Variants in DOK3 observed in about 807,000 individuals in gnomAD.
DOK3 encodes Dok-like protein.
A neutral mutation model predicts 26.2 loss-of-function variants in DOK3; 23 were observed. That is an observed-to-expected ratio of 0.88 (90% CI 0.63 to 1.24). DOK3 has a LOEUF of 1.24. Ranked by LOEUF, DOK3 falls within the 50% of genes most tolerant of loss-of-function variation. The pLI is 0.00. For missense variants in DOK3, 619 were observed against 610.6 expected (o/e 1.01, Z -0.15); for synonymous variants, 268 against 268.2 (o/e 1.00, Z 0.01).
chr5:177,510,199 CAGGG>C, upstream of DOK3: 1 of 428,064 alleles, frequency 2.3e-6, no homozygotes, highest in Non-Finnish European at 4.3e-6. Flanking sequence ...GCCCAACACT[CAGGG>C]ACCTGTGTGT....
At chr5:177,505,421 G>C (rs1255177012) in intron 3 of DOK3, among the ~76,000 whole-genome samples, 1 of 152,174 alleles carries the variant, frequency 6.6e-6, no homozygotes, top group Non-Finnish European at 1.5e-5. Context: ...CTGTATGTCT[G>C]ACAGCCTAGA....
Position 177,503,206 on chromosome 5 carries a change from T to TTC in DOK3, c.*775_*776dup, listed in dbSNP as rs1242377613. 1 of 1,551,570 alleles carries TTC rather than the reference T, an allele frequency of 6.4e-7. No individual in the cohort carries two copies. The highest frequency in any genetic ancestry group is 1.2e-5 in the South Asian group (1 of 84,058). On this transcript the variant is annotated 3_prime_UTR_variant, in exon 6 of 6. Coordinates refer to ENST00000510898, the MANE Select transcript of DOK3 (RefSeq NM_001308236.3). ...CGCAGCATGGAAGTCTTCAGGAAAC[T>TTC]TCTCTCCCCCTGGAATGTCGGCTCC... is the stretch of plus-strand genomic sequence containing the variant.
rs567576792 is a variant in DOK3, at chr5:177,505,025, G to A, written c.458C>T (p.Ser153Phe). The A allele has an allele frequency of 5.0e-6, 8 of 1,610,160 alleles. No individual in the cohort carries two copies. The highest frequency in any genetic ancestry group is 1.7e-4 in the Middle Eastern group (1 of 6,054). ...CTCCAACTTACCTTCCTGCCAGGAG[G>A]AGTAGATGGAGTTTTCCTCCATGGG... is the stretch of plus-strand genomic sequence containing the variant. ...LVPMEENSIY[S>F]SWQEVGEFPV... The change falls in exon 4 of 6, where the codon TCC (serine) becomes TTC (phenylalanine). Residue 153 changes from serine to phenylalanine, a missense_variant. Ser to Phe is a radical substitution (Grantham distance 155, BLOSUM62 -2). Transcript: ENST00000510898.
chr5:177,502,221 G>A lies in DOK3; in HGVS notation c.*1762C>T, dbSNP rs2127418915. On this transcript the variant is annotated 3_prime_UTR_variant, in exon 6 of 6. Transcript: ENST00000510898. ...AAAAGCCACATAATGGCATCATGGG[G>A]ATGAAGGAGAGTTAATTGAGGGGAG... The A allele has an allele frequency of 6.6e-6, 1 of 152,408 alleles. No homozygotes were observed. The highest frequency in any genetic ancestry group is 2.1e-4 in the South Asian group (1 of 4,832). 9.4% of individuals were successfully genotyped at this position (152,408 alleles called of 1,614,324 possible). A position where few individuals can be genotyped will look rare whatever the true frequency, so the allele number is the denominator to read the frequency against.
chr5:177,502,809 T>TACTTAC lies in DOK3; in HGVS notation c.*1173_*1174insGTAAGT. The TACTTAC allele has an allele frequency of 1.9e-6, 1 of 524,534 alleles. No individual in the cohort carries two copies. The highest frequency in any genetic ancestry group is 3.4e-6 in the Non-Finnish European group (1 of 296,442). The allele number at this position is 524,534 out of a possible 1,614,324, so 32.5% of individuals were successfully genotyped here. Reference sequence around the variant, plus strand: ...CTGGGCTCGCCCAAGGCCGGGGACTTTGCCAGACCAGTAAGATGAAACGAG... The same window carrying TACTTAC: ...CTGGGCTCGCCCAAGGCCGGGGACTTACTTACTGCCAGACCAGTAAGATGAAACGAG... On this transcript the variant is annotated 3_prime_UTR_variant, in exon 6 of 6. Transcript: ENST00000510898.
At chr5:177,508,569 G>A (rs1209854233) in intron 2 of DOK3, 27 bp from the exon 3 acceptor site, 6 of 1,501,020 alleles carry the variant, frequency 4.0e-6, no homozygotes, top group Non-Finnish European at 5.4e-6. Context: ...GGAGGGTGAA[G>A]ACCCTTGGGT....
rs1017699430 is a variant in DOK3, at chr5:177,503,560, A to G, written c.*423T>C. The G allele has an allele frequency of 2.2e-5, 30 of 1,356,534 alleles. No homozygotes were observed. The highest frequency in any genetic ancestry group is 2.8e-5 in the Non-Finnish European group (29 of 1,030,734). The allele number at this position is 1,356,534 out of a possible 1,614,324, so 84.0% of individuals were successfully genotyped here. A position where few individuals can be genotyped will look rare whatever the true frequency, so the allele number is the denominator to read the frequency against. Reference sequence around the variant, plus strand: ...CCTGAGTCTGACAAGTAAGCCTCACAGCTCCCTCCGCCTGCCTCTTCGTGT... The same window carrying G: ...CCTGAGTCTGACAAGTAAGCCTCACGGCTCCCTCCGCCTGCCTCTTCGTGT... On this transcript the variant is annotated 3_prime_UTR_variant, in exon 6 of 6. Coordinates refer to ENST00000510898, the MANE Select transcript of DOK3 (RefSeq NM_001308236.3).
At position 177,505,024 on chromosome 5, in the gene DOK3, G is replaced by A. The variant is rs775540159; in HGVS notation, c.459C>T (p.Ser153=). The A allele has an allele frequency of 6.2e-7, 1 of 1,610,002 alleles. No individual in the cohort carries two copies. Among genetic ancestry groups the A allele is most frequent in the African/African-American group, 1.3e-5 (1 of 74,906 alleles). The change falls in exon 4 of 6, where the codon TCC becomes TCT. Residue 153 remains serine (S), a synonymous_variant. Coordinates refer to ENST00000510898, the MANE Select transcript of DOK3 (RefSeq NM_001308236.3). ...CCTCCAACTTACCTTCCTGCCAGGAGGAGTAGATGGAGTTTTCCTCCATGG... is the reference window on the plus strand; with the variant it reads ...CCTCCAACTTACCTTCCTGCCAGGAAGAGTAGATGGAGTTTTCCTCCATGG... ...LVPMEENSIY[S]SWQEVGEFPV... is the part of the protein sequence containing the mutation.
At chr5:177,509,985 G>C, upstream of DOK3, 1 of 1,166,650 alleles carries the variant, frequency 8.6e-7, no homozygotes, top group East Asian at 2.6e-5. Context: ...TGGTTTGAGC[G>C]CCTCACCCCA....
In DOK3 at chr5:177,504,505, G is replaced by T; in HGVS notation, c.801C>A (p.Cys267Ter). Residue 267 changes from cysteine (C) to a stop codon, truncating the protein, a stop_gained, in exon 6 of 6, where the codon TGC becomes TGA. Transcript: ENST00000510898. LOFTEE classifies it low-confidence loss of function (END_TRUNC). The stretch of plus-strand genomic sequence containing the variant: ...GCAGAGAGGTGGCCCGTGGCAGGGG[G>T]CAGGGCTGGGGCCTGGTCAGCTCTG... ...RLPELTRPQPCPLPRATSLPS... is the reference protein window; with the variant it reads ...RLPELTRPQP The T allele has an allele frequency of 1.3e-6, 2 of 1,588,110 alleles. No homozygotes were observed. Among genetic ancestry groups the T allele is most frequent in the Non-Finnish European group, 8.5e-7 (1 of 1,170,428 alleles).
chr5:177,505,349 G>A (rs1759976085), intron 3 of DOK3, among the ~76,000 whole-genome samples: 2 of 152,182 alleles, frequency 1.3e-5, no homozygotes, highest in Non-Finnish European at 2.9e-5. Context: ...TCTGAGAGCT[G>A]CAGATCACTG....
intron 3 of DOK3, among the ~76,000 whole-genome samples, 159 bp downstream of exon 3, chr5:177,508,078 C>T (rs1366906914): frequency 6.6e-6 from 1 of 152,150 alleles, no homozygotes; most frequent in Non-Finnish European, 1.5e-5. Flanking sequence ...TCCATTTTCT[C>T]CATGGCACGC....
chr5:177,502,915 C>T lies in DOK3; in HGVS notation c.*1068G>A. ...TCGAAGAGCCAGAAAAGGGTCCCTG[C>T]AGGTCGACATGCCTAGGCAGGGGCG... is the stretch of plus-strand genomic sequence containing the variant. On this transcript the variant is annotated 3_prime_UTR_variant, in exon 6 of 6. Transcript: ENST00000510898. 1 of 776,194 alleles carries T rather than the reference C, an allele frequency of 1.3e-6. No homozygotes were observed. The allele number at this position is 776,194 out of a possible 1,614,324, so 48.1% of individuals were successfully genotyped here.
At position 177,505,150 on chromosome 5, in the gene DOK3, T is replaced by A. The variant is rs558239444; in HGVS notation, c.373-40A>T. 1.1e-5 allele frequency: 17 copies of A among 1,523,638 alleles called. No homozygotes were observed. In the South Asian group the frequency reaches 2.1e-4, roughly 19 times the overall value. The allele number at this position is 1,523,638 out of a possible 1,614,324, so 94.4% of individuals were successfully genotyped here. A position where few individuals can be genotyped will look rare whatever the true frequency, so the allele number is the denominator to read the frequency against. ...CAAGTCAAAGGTGAGAGCACCGCAC[T>A]CCCATGCCCTGTCCCCTCCCCTCAG... On this transcript the variant is annotated intron_variant, in intron 3 of 5. Transcript: ENST00000510898.
At chr5:177,504,962 GC>G in intron 4 of DOK3, 47 bp from the exon 5 acceptor site, 1 of 1,582,592 alleles carries the variant, frequency 6.3e-7, no homozygotes, top group Non-Finnish European at 8.6e-7. Flanking sequence ...AAAAGACCCA[GC>G]CCTGGGTGTG....
rs1231567052 is a variant in DOK3, at chr5:177,503,965, C to T, written c.*18G>A. The T allele has an allele frequency of 1.3e-6, 2 of 1,524,638 alleles. No homozygotes were observed. The highest frequency in any genetic ancestry group is 1.8e-6 in the Non-Finnish European group (2 of 1,135,688). The allele number at this position is 1,524,638 out of a possible 1,614,324, so 94.4% of individuals were successfully genotyped here. A position where few individuals can be genotyped will look rare whatever the true frequency, so the allele number is the denominator to read the frequency against. ...AGGGGGAGCACCTCTCCCCTCTGGC[C>T]ACCACTCTGCTGGGCGTTCAGGGCC... On this transcript the variant is annotated 3_prime_UTR_variant, in exon 6 of 6. Coordinates refer to ENST00000510898, the MANE Select transcript of DOK3 (RefSeq NM_001308236.3).
Position 177,504,131 on chromosome 5 carries a change from GTAC to G in DOK3, c.1172_1174del (p.Ser391del). The G allele has an allele frequency of 5.0e-6, 8 of 1,613,876 alleles. No homozygotes were observed. Among genetic ancestry groups the G allele is most frequent in the Non-Finnish European group, 6.8e-6 (8 of 1,179,898 alleles). ...CAGCCGCCGGTACTGGGCCTCCAGGGTACTGTCGTTGGCCGGGCCGGGCCAGCT... is the reference window on the plus strand; with the variant it reads ...CAGCCGCCGGTACTGGGCCTCCAGGGTGTCGTTGGCCGGGCCGGGCCAGCT... On this transcript the variant is annotated inframe_deletion, in exon 6 of 6. Transcript: ENST00000510898.
rs987390584 is a variant in DOK3 at position 177,503,805 on chromosome 5, A to G, written c.*178T>C. 45 of 1,430,692 alleles carry G rather than the reference A, an allele frequency of 3.1e-5. No homozygotes were observed. The highest frequency in any genetic ancestry group is 3.7e-5 in the Non-Finnish European group (41 of 1,097,070). The allele number at this position is 1,430,692 out of a possible 1,614,324, so 88.6% of individuals were successfully genotyped here. A position where few individuals can be genotyped will look rare whatever the true frequency, so the allele number is the denominator to read the frequency against. ...TGAGCTTTATTATCTGTGAGTCTGC[A>G]CACTATTCATGAGGAGGGCAGGGCA... On this transcript the variant is annotated 3_prime_UTR_variant, in exon 6 of 6. Coordinates refer to ENST00000510898, the MANE Select transcript of DOK3 (RefSeq NM_001308236.3).
chr5:177,510,118 C>T (rs746325316), upstream of DOK3: 104 of 590,956 alleles, frequency 1.8e-4, no homozygotes, highest in Non-Finnish European at 1.7e-4. Context: ...CACTGGGCCT[C>T]CATGCAGCAC....
Sources: allele counts gnomAD v4.1 joint callset (sites outside exome capture counted in the v4.1 genomes callset), GRCh38; gene constraint gnomAD v4.1.1; transcripts MANE v1.5; gene names NCBI Gene and HGNC (gene_info 2026-07-23, HGNC 2026-07-21).